Variants in THEMIS observed in about 807,000 individuals in gnomAD.
THEMIS encodes the protein thymocyte selection associated, also known as protein THEMIS.
In THEMIS, 37 loss-of-function variants were observed where a neutral mutation model predicts 52.6. The observed-to-expected ratio is 0.70, with a 90% confidence interval of 0.54 to 0.93. THEMIS has a LOEUF of 0.93. THEMIS is among the 40% of genes least tolerant of loss of function. The pLI, the probability that THEMIS is intolerant of heterozygous loss-of-function variation, is 0.00. For synonymous variants in THEMIS, 292 were observed against 272.7 expected (o/e 1.07, Z -0.70); for missense variants, 808 against 763.1 (o/e 1.06, Z -0.69).
intron 1 of THEMIS, among the ~76,000 whole-genome samples, chr6:127,874,968 G>T (rs546165720): frequency 6.6e-6 from 1 of 152,238 alleles, no homozygotes; most frequent in East Asian, 1.9e-4. Context: ...CCTTTCATCA[G>T]ATCAGCGGGC....
intron 1 of THEMIS, among the ~76,000 whole-genome samples, chr6:127,891,755 C>A (rs1437467755): frequency 6.6e-6 from 1 of 152,092 alleles, no homozygotes; most frequent in Non-Finnish European, 1.5e-5. Context: ...AAATGGCAAT[C>A]AGGTCTTGTC....
the THEMIS span, among the ~76,000 whole-genome samples, chr6:127,700,837 GTA>G: frequency 2.6e-5 from 4 of 151,684 alleles, no homozygotes; most frequent in Non-Finnish European, 4.4e-5. Flanking sequence ...ACTTATTTTT[GTA>G]TATATAAAAT....
chr6:127,711,324 CA>C (rs1396567710), intron 5 of THEMIS, among the ~76,000 whole-genome samples: 1 of 151,926 alleles, frequency 6.6e-6, no homozygotes, highest in African/African-American at 2.4e-5. Context: ...AACACAGAAA[CA>C]AAATATGCAG....
intron 4 of THEMIS, among the ~76,000 whole-genome samples, chr6:127,800,666 C>G (rs1269847780): frequency 1.3e-5 from 2 of 152,196 alleles, no homozygotes; most frequent in African/African-American, 4.8e-5. Flanking sequence ...CACCCTTAAT[C>G]TGAGTGGACA....
In THEMIS at chr6:127,822,586, A is replaced by G. The variant is rs181186022; in HGVS notation, c.709+6890T>C. ...AATTTAGTCCATAAAATCTAAGAAA[A>G]GCAAATAAACACTTTTTTAGACACT... is the stretch of plus-strand genomic sequence containing the variant. On this transcript the variant is annotated intron_variant, in intron 3 of 5. Coordinates refer to ENST00000368248, the MANE Select transcript of THEMIS (RefSeq NM_001010923.3). Among the ~76,000 whole-genome samples the G allele has an allele frequency of 3.2e-3, 484 of 152,268 alleles. 3 individuals are homozygous for G. The highest frequency in any genetic ancestry group is 5.5e-3 in the Non-Finnish European group (371 of 67,992).
At chr6:127,855,404 T>G (rs1003246229) in intron 1 of THEMIS, among the ~76,000 whole-genome samples, 1 of 151,994 alleles carries the variant, frequency 6.6e-6, no homozygotes, top group Admixed American at 6.6e-5. Flanking sequence ...AAATCTTATT[T>G]TTGTTATTTT....
chr6:127,886,253 T>C (rs779154619), intron 1 of THEMIS, among the ~76,000 whole-genome samples: 1 of 152,106 alleles, frequency 6.6e-6, no homozygotes, highest in Non-Finnish European at 1.5e-5. Context: ...GGATTCATAG[T>C]TAGGTTTAGT....
At chr6:127,796,672 G>A (rs1366963136) in intron 4 of THEMIS, among the ~76,000 whole-genome samples, 1 of 152,132 alleles carries the variant, frequency 6.6e-6, no homozygotes, top group Non-Finnish European at 1.5e-5. Flanking sequence ...AAGAATGACT[G>A]GAGATAATTG....
intron 4 of THEMIS, among the ~76,000 whole-genome samples, chr6:127,760,679 G>A (rs969623013): frequency 3.3e-5 from 5 of 152,048 alleles, no homozygotes; most frequent in African/African-American, 1.2e-4. Context: ...GAGTGGCTGA[G>A]GCCCGGAGGA....
At chr6:127,697,096 C>T in the THEMIS span, among the ~76,000 whole-genome samples, 351 of 152,134 alleles carry the variant, frequency 2.3e-3, 1 homozygote, top group African/African-American at 7.2e-3. Flanking sequence ...TATGCAATTG[C>T]GTGAGGGCTA....
chr6:127,835,820 T>G (rs747113563), intron 2 of THEMIS, among the ~76,000 whole-genome samples: 3 of 152,186 alleles, frequency 2.0e-5, no homozygotes, highest in Non-Finnish European at 2.9e-5. Flanking sequence ...TCAGGTGACC[T>G]CTTTAGGTGG....
intron 1 of THEMIS, among the ~76,000 whole-genome samples, chr6:127,893,959 C>T (rs1377384857): frequency 6.6e-6 from 1 of 151,152 alleles, no homozygotes; most frequent in Non-Finnish European, 1.5e-5. Flanking sequence ...AAAATAGAAC[C>T]TAAAGAAAAA....
chr6:127,886,765 G>A (rs1181148134), intron 1 of THEMIS, among the ~76,000 whole-genome samples: 1 of 152,128 alleles, frequency 6.6e-6, no homozygotes, highest in Non-Finnish European at 1.5e-5. Flanking sequence ...TCCACTGGGA[G>A]AGGATAACTG....
intron 4 of THEMIS, among the ~76,000 whole-genome samples, chr6:127,755,982 ACAC>A (rs1775810901): frequency 6.6e-6 from 1 of 151,914 alleles, no homozygotes; most frequent in South Asian, 2.1e-4. Context: ...AGCTGAGATC[ACAC>A]CACCGCACTC....
intron 4 of THEMIS, among the ~76,000 whole-genome samples, chr6:127,764,612 A>C (rs1776131716): frequency 6.6e-6 from 1 of 152,014 alleles, no homozygotes; most frequent in Non-Finnish European, 1.5e-5. Context: ...ACATTGATCC[A>C]AGACAGGTGT....
intron 2 of THEMIS, among the ~76,000 whole-genome samples, chr6:127,848,051 A>G: frequency 7.5e-6 from 1 of 132,764 alleles, no homozygotes; most frequent in Non-Finnish European, 1.7e-5. Context: ...TATATCTCCT[A>G]ATGCTATCCC....
chr6:127,790,605 T>C (rs1252803552), intron 4 of THEMIS, among the ~76,000 whole-genome samples: 1 of 152,224 alleles, frequency 6.6e-6, no homozygotes, highest in Non-Finnish European at 1.5e-5. Flanking sequence ...GTGTCGCTTT[T>C]CTGTCCAGAA....
intron 2 of THEMIS, among the ~76,000 whole-genome samples, chr6:127,852,504 G>T (rs1158655666): frequency 6.6e-6 from 1 of 151,458 alleles, no homozygotes; most frequent in Non-Finnish European, 1.5e-5. Flanking sequence ...ACATTTAAAA[G>T]GATTGAGTCA....
chr6:127,818,374 G>T (rs1426470279), intron 3 of THEMIS, among the ~76,000 whole-genome samples: 1 of 152,002 alleles, frequency 6.6e-6, no homozygotes, highest in Non-Finnish European at 1.5e-5. Context: ...TCAAAGAATG[G>T]CATTTAAGAC....
Sources: gnomAD v4.1 joint callset for allele counts (sites outside exome capture counted in the v4.1 genomes callset) on GRCh38, gnomAD v4.1.1 for gene constraint, MANE v1.5 for transcripts, NCBI Gene and HGNC (gene_info 2026-07-23, HGNC 2026-07-21) for gene names.